The following IMPA1 variants were observed in gnomAD, a reference collection of about 807,000 sequenced individuals.
IMPA1 encodes the protein D-galactose 1-phosphate phosphatase.
IMPA1 carries 21 observed loss-of-function variants against 34.9 expected under a neutral mutation model. The observed-to-expected ratio is 0.60, with a 90% CI of 0.43 to 0.87. IMPA1 has a LOEUF of 0.87. IMPA1 is among the 40% of genes least tolerant of loss of function. IMPA1 has a pLI of 0.00. For synonymous variants in IMPA1, 95 were observed against 104.4 expected (o/e 0.91, Z 0.55); for missense variants, 299 against 336.4 (o/e 0.89, Z 0.87).
chr8:81,670,850 T>C (rs1806964788), intron 7 of IMPA1, 89 bp downstream of exon 7: 1 of 621,784 alleles, frequency 1.6e-6, no homozygotes, highest in South Asian at 2.2e-5. Context: ...TGTATATAAT[T>C]TACTCTAAAA....
chr8:81,681,778 C>A (rs1246278476), intron 1 of IMPA1, among the ~76,000 whole-genome samples, 194 bp from the exon 2 acceptor site: 3 of 152,158 alleles, frequency 2.0e-5, no homozygotes, highest in Non-Finnish European at 2.9e-5. Flanking sequence ...AAATTATTTT[C>A]ATAAAGACTA....
At chr8:81,680,133 T>TAA (rs60772020) in intron 3 of IMPA1, among the ~76,000 whole-genome samples, 7 of 132,140 alleles carry the variant, frequency 5.3e-5, no homozygotes, top group Admixed American at 1.6e-4. Context: ...TGTCTCCGTC[T>TAA]AAAAAAAAAA....
intron 7 of IMPA1, among the ~76,000 whole-genome samples, chr8:81,663,161 C>G (rs1806726689): frequency 1.3e-5 from 2 of 152,090 alleles, no homozygotes; most frequent in African/African-American, 2.4e-5. Context: ...CAGCCAACAG[C>G]AAAATTAAAG....
chr8:81,670,900 T>C (rs1316018301), intron 7 of IMPA1, 39 bp downstream of exon 7: 2 of 1,029,858 alleles, frequency 1.9e-6, no homozygotes, highest in South Asian at 1.6e-5. Flanking sequence ...CACACACACG[T>C]ATACAAAGAG....
At chr8:81,672,673 T>C (rs992630325) in intron 6 of IMPA1, among the ~76,000 whole-genome samples, 1 of 152,190 alleles carries the variant, frequency 6.6e-6, no homozygotes, top group African/African-American at 2.4e-5. Context: ...AGTCCTCAAC[T>C]TTGGCCCAAA....
chr8:81,676,619 G>C (rs1315284617), intron 4 of IMPA1, among the ~76,000 whole-genome samples: 1 of 152,206 alleles, frequency 6.6e-6, no homozygotes, highest in African/African-American at 2.4e-5. Context: ...AGAAATGGAA[G>C]TGTGAAGGGC....
intron 5 of IMPA1, chr8:81,674,903 C>T (rs1486760743): frequency 4.6e-6 from 2 of 437,862 alleles, no homozygotes; most frequent in Non-Finnish European, 4.5e-6. Context: ...CCATAAATCT[C>T]CTTCAAATTT....
In IMPA1 at chr8:81,659,359, C is replaced by T. The variant is rs144509656; in HGVS notation, c.826G>A (p.Glu276Lys). ...IQVIPLQRDD[E>K]D ...CTATGAGGCTGCCTTAATTAATCTT[C>T]GTCGTCTCGTTGCAAAGGTATAACC... The change falls in exon 9 of 9, where the codon GAA becomes AAA. Residue 276 changes from glutamate (E) to lysine (K), a missense_variant. Physicochemically the swap from Glu to Lys is moderately conservative, Grantham distance 56. Coordinates refer to ENST00000256108, the MANE Select transcript of IMPA1 (RefSeq NM_005536.4). 12 of 1,587,170 alleles carry T rather than the reference C, an allele frequency of 7.6e-6. No individual in the cohort carries two copies. Among genetic ancestry groups the T allele is most frequent in the African/African-American group, 2.7e-5 (2 of 74,326 alleles).
chr8:81,674,005 T>A (rs1807065517), intron 5 of IMPA1, 56 bp from the exon 6 acceptor site: 2 of 1,064,690 alleles, frequency 1.9e-6, no homozygotes, highest in African/African-American at 3.1e-5. Context: ...ATCCACTTTT[T>A]TCTAAGAAAA....
Position 81,660,549 on chromosome 8 carries a change from T to C in IMPA1, c.685A>G (p.Thr229Ala). 1.2e-6 allele frequency: 2 copies of C among 1,613,846 alleles called. No homozygotes were observed. The highest frequency in any genetic ancestry group is 2.2e-5 in the East Asian group (1 of 44,884). The change falls in exon 8 of 9, where the codon ACT becomes GCT. Residue 229 changes from threonine (T) to alanine (A), a missense_variant. Coordinates refer to ENST00000256108, the MANE Select transcript of IMPA1 (RefSeq NM_005536.4). ...WDVAGAGIIV[T>A]EAGGVLMDVT... Reference sequence around the variant, plus strand: ...TCCATTAGCACGCCACCAGCTTCAGTAACAATAATGCCAGCTCCTGCAACA... The same window carrying C: ...TCCATTAGCACGCCACCAGCTTCAGCAACAATAATGCCAGCTCCTGCAACA...
chr8:81,663,719 T>C (rs757393547), intron 7 of IMPA1, among the ~76,000 whole-genome samples: 1 of 152,220 alleles, frequency 6.6e-6, no homozygotes, highest in Non-Finnish European at 1.5e-5. Context: ...ATTATGATTT[T>C]TCATATAAAC....
intron 3 of IMPA1, among the ~76,000 whole-genome samples, chr8:81,679,890 A>C (rs551250477): frequency 6.6e-6 from 1 of 152,104 alleles, no homozygotes; most frequent in South Asian, 2.1e-4. Context: ...TAATCCTAAC[A>C]CTTTGGGAGG....
intron 1 of IMPA1, among the ~76,000 whole-genome samples, chr8:81,685,224 T>C (rs952415394): frequency 4.8e-5 from 6 of 126,102 alleles, no homozygotes; most frequent in Non-Finnish European, 9.3e-5. Flanking sequence ...ATACTATACA[T>C]AAGTATATTT....
At chr8:81,679,657 T>C (rs187523123) in intron 3 of IMPA1, among the ~76,000 whole-genome samples, 36 of 152,098 alleles carry the variant, frequency 2.4e-4, no homozygotes, top group Non-Finnish European at 4.3e-4. Flanking sequence ...CCCTACACTT[T>C]TCTATTGTTG....
At chr8:81,678,520 C>A (rs1026823188) in intron 4 of IMPA1, 5 of 158,466 alleles carry the variant, frequency 3.2e-5, no homozygotes, top group African/African-American at 1.2e-4. Context: ...GGTGAAACCC[C>A]GCCTCTACTA....
At chr8:81,680,217 T>C (rs138915771) in intron 3 of IMPA1, among the ~76,000 whole-genome samples, 19 of 152,178 alleles carry the variant, frequency 1.2e-4, no homozygotes, top group Non-Finnish European at 2.4e-4. Flanking sequence ...GAGCGTGAGC[T>C]ATGCAGATAC....
chr8:81,670,658 C>T (rs1366748490), intron 7 of IMPA1, among the ~76,000 whole-genome samples: 1 of 152,070 alleles, frequency 6.6e-6, no homozygotes, highest in Non-Finnish European at 1.5e-5. Context: ...AGACATGACA[C>T]CTAAAAATAA....
rs1807259124 is a variant in IMPA1, at chr8:81,680,302, T to G, written c.197+348A>C. Reference sequence around the variant, plus strand: ...CTAGTTCACAAAATGCCCCTCTAATTTGCATCTGGTTCACTCTGTTTCTCC... The same window carrying G: ...CTAGTTCACAAAATGCCCCTCTAATGTGCATCTGGTTCACTCTGTTTCTCC... On this transcript the variant is annotated intron_variant, in intron 3 of 8. Transcript: ENST00000256108. Among the ~76,000 whole-genome samples the G allele has an allele frequency of 2.0e-5, 3 of 152,172 alleles. 1 individual carries two copies. In the South Asian group the frequency reaches 6.2e-4, roughly 32 times the overall value.
chr8:81,684,698 T>C (rs1219543940), intron 1 of IMPA1, among the ~76,000 whole-genome samples: 1 of 142,822 alleles, frequency 7.0e-6, no homozygotes, highest in Non-Finnish European at 1.5e-5. Context: ...GGAGTATAAA[T>C]ACTACACATA....
Sources: allele counts gnomAD v4.1 joint callset (sites outside exome capture counted in the v4.1 genomes callset), GRCh38; gene constraint gnomAD v4.1.1; transcripts MANE v1.5; gene names NCBI Gene and HGNC (gene_info 2026-07-23, HGNC 2026-07-21).